TENM3: variants seen among roughly 807,000 people sequenced by gnomAD.
TENM3 encodes the protein teneurin transmembrane protein 3.
A neutral mutation model predicts 255.1 loss-of-function variants in TENM3; 63 were observed. The observed-to-expected ratio is 0.25, with a 90% CI of 0.20 to 0.30. TENM3 has a LOEUF of 0.30. Among genes scored for constraint, TENM3 ranks in the 10% least tolerant of loss-of-function variants. The pLI is 1.00. For synonymous variants in TENM3, 1,306 were observed against 1,322.3 expected, an observed-to-expected ratio of 0.99 and a Z score of 0.27; for missense variants, 2,929 against 3,461.1, an observed-to-expected ratio of 0.85 and a Z score of 3.86.
At chr4:181,952,809 G>A in the TENM3 span, among the ~76,000 whole-genome samples, 13 of 152,202 alleles carry the variant, frequency 8.5e-5, no homozygotes, top group Non-Finnish European at 5.9e-5. Context: ...AGCCGCAGGC[G>A]CTGGGGGGCC....
chr4:182,250,571 A>T (rs1757950444), intron 1 of TENM3, among the ~76,000 whole-genome samples: 1 of 152,194 alleles, frequency 6.6e-6, no homozygotes, highest in Non-Finnish European at 1.5e-5. Context: ...TACATGTTGG[A>T]GGGAAATCGC....
intron 4 of TENM3, among the ~76,000 whole-genome samples, chr4:182,614,633 T>C (rs1749303621): frequency 6.6e-6 from 1 of 152,168 alleles, no homozygotes; most frequent in Non-Finnish European, 1.5e-5. Context: ...CTGCCAGTGG[T>C]CGCTGAAAAA....
the TENM3 span, among the ~76,000 whole-genome samples, chr4:181,635,260 T>C: frequency 6.6e-6 from 1 of 152,192 alleles, no homozygotes; most frequent in Non-Finnish European, 1.5e-5. Context: ...ACCTTAATAC[T>C]AGTTCACCTC....
At chr4:181,545,593 G>C in the TENM3 span, among the ~76,000 whole-genome samples, 1 of 152,168 alleles carries the variant, frequency 6.6e-6, no homozygotes, top group African/African-American at 2.4e-5. Context: ...GACAAATCAA[G>C]AGGAAATTGA....
chr4:182,672,186 G>T (rs943047942), intron 6 of TENM3, among the ~76,000 whole-genome samples: 4 of 152,186 alleles, frequency 2.6e-5, no homozygotes, highest in Non-Finnish European at 1.5e-5. Context: ...ACCAAAAAGA[G>T]GAGTCTTGGA....
intron 1 of TENM3, among the ~76,000 whole-genome samples, chr4:182,232,554 T>A (rs7675808): frequency 6.6e-6 from 1 of 151,972 alleles, no homozygotes; most frequent in Admixed American, 6.6e-5. Context: ...CGAAACCCCA[T>A]GTCTACTAAA....
the TENM3 span, among the ~76,000 whole-genome samples, chr4:181,524,228 A>T: frequency 1.3e-5 from 2 of 152,164 alleles, no homozygotes; most frequent in Non-Finnish European, 2.9e-5. Context: ...AGAAATGTGG[A>T]TGGGACAATG....
At position 182,148,873 on chromosome 4, in the gene TENM3, T is replaced by C. The variant is rs1315927000; in HGVS notation, c.-76+4119T>C. ...AGATTTTCTTGGGCTTTGGTTCATA[T>C]TGCATTGTGATACATGTTGTCCCAA... On this transcript the variant is annotated intron_variant, in intron 1 of 2. Coordinates refer to the TENM3 transcript ENST00000512480. Among the ~76,000 whole-genome samples, 3 of 152,170 alleles carry C rather than the reference T, an allele frequency of 2.0e-5. No individual in the cohort carries two copies. The East Asian group carries it at 5.8e-4, about 29-fold the overall frequency.
chr4:182,652,304 C>G (rs1753378280), intron 5 of TENM3, among the ~76,000 whole-genome samples: 1 of 152,138 alleles, frequency 6.6e-6, no homozygotes, highest in Admixed American at 6.5e-5. Flanking sequence ...ATTTTCCTGT[C>G]AGGGAGAAGC....
At chr4:182,595,530 G>C (rs1449840813) in intron 3 of TENM3, among the ~76,000 whole-genome samples, 1 of 152,084 alleles carries the variant, frequency 6.6e-6, no homozygotes, top group African/African-American at 2.4e-5. Flanking sequence ...ATTAATGTGA[G>C]TTTTAAAAAA....
chr4:181,751,607 T>C, the TENM3 span, among the ~76,000 whole-genome samples: 4 of 124,040 alleles, frequency 3.2e-5, no homozygotes, highest in African/African-American at 1.0e-4. Flanking sequence ...ATTACACATT[T>C]TCAAAAGTAC....
At chr4:182,381,411 T>C in intron 3 of TENM3, among the ~76,000 whole-genome samples, 1 of 152,168 alleles carries the variant, frequency 6.6e-6, no homozygotes, top group East Asian at 1.9e-4. Context: ...AGAAGATCAG[T>C]AATCATTAAA....
At chr4:182,504,059 G>GTC (rs1397769380) in intron 3 of TENM3, among the ~76,000 whole-genome samples, 1 of 151,124 alleles carries the variant, frequency 6.6e-6, no homozygotes. Context: ...TAGAATATTT[G>GTC]TAAGCACCAC....
At chr4:181,707,773 T>C in the TENM3 span, among the ~76,000 whole-genome samples, 4 of 152,242 alleles carry the variant, frequency 2.6e-5, no homozygotes, top group African/African-American at 7.2e-5. Flanking sequence ...TTAACCACTG[T>C]TATTAAGGAT....
In TENM3 at chr4:182,160,583, T is replaced by C. The variant is rs867948096; in HGVS notation, c.-76+15829T>C. Among the ~76,000 whole-genome samples the C allele has an allele frequency of 3.3e-5, 5 of 152,220 alleles. No homozygotes were observed. The South Asian group carries it at 6.2e-4, about 19-fold the overall frequency. On this transcript the variant is annotated intron_variant, in intron 1 of 2. Transcript: ENST00000512480. The stretch of plus-strand genomic sequence containing the variant: ...CTTGTTTGTTTCTTTTAAAAATGTA[T>C]CATGCAGAGAGACCAATACCGTAGG...
chr4:181,552,756 G>A, the TENM3 span, among the ~76,000 whole-genome samples: 1 of 152,174 alleles, frequency 6.6e-6, no homozygotes, highest in Non-Finnish European at 1.5e-5. Flanking sequence ...AGTAGGAGTC[G>A]GAGAGCAAAA....
intron 3 of TENM3, among the ~76,000 whole-genome samples, chr4:182,489,205 C>T (rs1735038860): frequency 6.6e-6 from 1 of 152,026 alleles, no homozygotes; most frequent in African/African-American, 2.4e-5. Context: ...ATTTTGAACG[C>T]ATGAAGCCTT....
chr4:181,868,221 G>A, the TENM3 span, among the ~76,000 whole-genome samples: 211 of 152,074 alleles, frequency 1.4e-3, 1 homozygote, highest in African/African-American at 4.9e-3. Flanking sequence ...CACGCCAACA[G>A]GTATCTCCAG....
intron 3 of TENM3, among the ~76,000 whole-genome samples, chr4:182,575,213 T>A (rs1393184435): frequency 1.3e-5 from 2 of 152,158 alleles, no homozygotes; most frequent in East Asian, 3.9e-4. Context: ...GATGTTACCA[T>A]TGGGAGAAAC....
Sources: gnomAD v4.1 joint callset for allele counts (sites outside exome capture counted in the v4.1 genomes callset) on GRCh38, gnomAD v4.1.1 for gene constraint, MANE v1.5 for transcripts, NCBI Gene and HGNC (gene_info 2026-07-23, HGNC 2026-07-21) for gene names.